Variants in COX7B2 observed in about 807,000 individuals in gnomAD.
COX7B2 encodes the protein cytochrome c oxidase subunit 7B2, mitochondrial.
For missense variants in COX7B2, 109 were observed against 95.9 expected, an observed-to-expected ratio of 1.14 and a Z score of -0.57; for synonymous variants, 37 against 32.1, an observed-to-expected ratio of 1.15 and a Z score of -0.51.
intron 1 of COX7B2, among the ~76,000 whole-genome samples, chr4:46,872,955 A>G (rs1364719293): frequency 6.6e-6 from 1 of 151,818 alleles, no homozygotes; most frequent in Non-Finnish European, 1.5e-5. Context: ...TATTTCTCCT[A>G]ATGGTATCCC....
intron 2 of COX7B2, among the ~76,000 whole-genome samples, chr4:46,811,406 T>TG (rs1307263003): frequency 6.6e-6 from 1 of 152,080 alleles, no homozygotes; most frequent in Non-Finnish European, 1.5e-5. Flanking sequence ...TCTTTCTTTT[T>TG]GATCTTGTCT....
At chr4:46,850,450 C>T (rs892751010) in intron 1 of COX7B2, among the ~76,000 whole-genome samples, 15 of 151,964 alleles carry the variant, frequency 9.9e-5, no homozygotes, top group Admixed American at 9.8e-4. Flanking sequence ...GCTAAATGAA[C>T]AAAAATTTCT....
intron 2 of COX7B2, among the ~76,000 whole-genome samples, chr4:46,736,749 T>C (rs1714389117): frequency 6.6e-6 from 1 of 152,164 alleles, no homozygotes; most frequent in Non-Finnish European, 1.5e-5. Context: ...CTTCAAAATA[T>C]ACTTTTAAAG....
intron 2 of COX7B2, among the ~76,000 whole-genome samples, chr4:46,814,804 T>G (rs909998532): frequency 6.6e-6 from 1 of 152,230 alleles, no homozygotes; most frequent in African/African-American, 2.4e-5. Context: ...ATATAGGGAA[T>G]TGTATCTGTT....
Position 46,776,150 on chromosome 4 carries a change from G to A in COX7B2, c.-49-40909C>T, listed in dbSNP as rs1168960864. Among the ~76,000 whole-genome samples, 5 of 152,072 alleles carry A rather than the reference G, an allele frequency of 3.3e-5. No homozygotes were observed. The East Asian group carries it at 9.7e-4, about 29-fold the overall frequency. On this transcript the variant is annotated intron_variant, in intron 2 of 2. Coordinates refer to ENST00000355591, the MANE Select transcript of COX7B2 (RefSeq NM_130902.3). ...ATTGCTCCTATGAGTATGGGGCAGT[G>A]GAGGATTATCTAGTAGACAGACAAA...
At chr4:46,895,079 C>T (rs1006241484) in intron 1 of COX7B2, among the ~76,000 whole-genome samples, 5 of 152,092 alleles carry the variant, frequency 3.3e-5, no homozygotes, top group South Asian at 4.1e-4. Context: ...AGCAGCGTTG[C>T]GATTCCTCAA....
intron 1 of COX7B2, among the ~76,000 whole-genome samples, chr4:46,877,223 C>G (rs1257857378): frequency 6.6e-6 from 1 of 152,060 alleles, no homozygotes; most frequent in Non-Finnish European, 1.5e-5. Context: ...ATAAGTATTA[C>G]CATATTACAC....
At chr4:46,847,880 C>A (rs561275831) in intron 1 of COX7B2, among the ~76,000 whole-genome samples, 8 of 152,112 alleles carry the variant, frequency 5.3e-5, no homozygotes, top group African/African-American at 1.9e-4. Flanking sequence ...CCGGGTTCAG[C>A]CACTTCCACT....
chr4:46,813,377 C>T (rs1362144160), intron 2 of COX7B2, among the ~76,000 whole-genome samples: 1 of 152,056 alleles, frequency 6.6e-6, no homozygotes, highest in Non-Finnish European at 1.5e-5. Context: ...GGACATTGGA[C>T]TGGACAAAGA....
At chr4:46,794,681 C>T (rs1176663781) in intron 2 of COX7B2, among the ~76,000 whole-genome samples, 1 of 152,112 alleles carries the variant, frequency 6.6e-6, no homozygotes, top group Non-Finnish European at 1.5e-5. Flanking sequence ...AGTGGTAGCA[C>T]TCAACTGCCA....
At position 46,735,220 on chromosome 4, in the gene COX7B2, G is replaced by A. The variant is rs1199991056; in HGVS notation, c.-28C>T. 2 of 1,610,426 alleles carry A rather than the reference G, an allele frequency of 1.2e-6. No homozygotes were observed. The highest frequency in any genetic ancestry group is 1.7e-6 in the Non-Finnish European group (2 of 1,178,988). ...AGGATTGCAGTTGCCTTCAGCTACT[G>A]GTCTATTTTGTTGCAAAGAGGCTGG... On this transcript the variant is annotated 5_prime_UTR_variant, in exon 3 of 3. Coordinates refer to ENST00000355591, the MANE Select transcript of COX7B2 (RefSeq NM_130902.3).
intron 1 of COX7B2, among the ~76,000 whole-genome samples, chr4:46,861,500 A>G (rs1717332542): frequency 6.6e-6 from 1 of 152,214 alleles, no homozygotes; most frequent in South Asian, 2.1e-4. Context: ...CTTTTTGGCA[A>G]TTAAATCAAA....
chr4:46,842,402 T>A (rs1304390488), intron 2 of COX7B2, among the ~76,000 whole-genome samples: 1 of 152,016 alleles, frequency 6.6e-6, no homozygotes, highest in Non-Finnish European at 1.5e-5. Context: ...TCACTTTTTT[T>A]ATTTTATTAT....
intron 1 of COX7B2, among the ~76,000 whole-genome samples, chr4:46,899,072 A>G (rs1436075463): frequency 6.6e-6 from 1 of 152,148 alleles, no homozygotes; most frequent in African/African-American, 2.4e-5. Flanking sequence ...CCCATTGTTG[A>G]TATGCTATCT....
chr4:46,756,276 T>C (rs1715793307), intron 2 of COX7B2, among the ~76,000 whole-genome samples: 2 of 151,926 alleles, frequency 1.3e-5, no homozygotes, highest in African/African-American at 4.8e-5. Flanking sequence ...AATGAAACTG[T>C]AACCATATTT....
chr4:46,818,004 A>T (rs1719642357), intron 2 of COX7B2, among the ~76,000 whole-genome samples: 1 of 152,198 alleles, frequency 6.6e-6, no homozygotes, highest in South Asian at 2.1e-4. Flanking sequence ...CAAAATAGAG[A>T]TTTCTTCCCA....
At chr4:46,873,662 G>A (rs1208313396) in intron 1 of COX7B2, among the ~76,000 whole-genome samples, 1 of 151,998 alleles carries the variant, frequency 6.6e-6, no homozygotes, top group African/African-American at 2.4e-5. Context: ...AATAAATTTT[G>A]CTATTACTAT....
At chr4:46,820,339 A>T (rs1357377725) in intron 2 of COX7B2, among the ~76,000 whole-genome samples, 1 of 152,106 alleles carries the variant, frequency 6.6e-6, no homozygotes, top group African/African-American at 2.4e-5. Context: ...TGCTGATCTG[A>T]CGGGAGGTGG....
chr4:46,843,485 C>T (rs1716072415), intron 2 of COX7B2, among the ~76,000 whole-genome samples: 1 of 151,870 alleles, frequency 6.6e-6, no homozygotes, highest in Non-Finnish European at 1.5e-5. Context: ...GGGATTCAAA[C>T]ACAGGTCTAC....
Sources: gnomAD v4.1 joint callset for allele counts (sites outside exome capture counted in the v4.1 genomes callset) on GRCh38, gnomAD v4.1.1 for gene constraint, MANE v1.5 for transcripts, NCBI Gene and HGNC (gene_info 2026-07-23, HGNC 2026-07-21) for gene names.